The following PEG3 variants were observed in gnomAD, a reference collection of about 807,000 sequenced individuals.
PEG3 encodes paternally-expressed gene 3 protein.
PEG3 carries 23 observed loss-of-function variants against 35.5 expected under a neutral mutation model. The observed-to-expected ratio is 0.65, with a 90% CI of 0.47 to 0.92. The LOEUF (loss-of-function observed/expected upper bound fraction) is 0.92, where lower values mean the gene tolerates loss of function less well. Ranked by LOEUF, PEG3 falls within the 40% of genes least tolerant of loss-of-function variation. The pLI, the probability that PEG3 is intolerant of heterozygous loss-of-function variation, is 0.00. For missense variants in PEG3, 1,960 were observed against 1,985.3 expected, an observed-to-expected ratio of 0.99 and a Z score of 0.24; for synonymous variants, 707 against 697.0, an observed-to-expected ratio of 1.01 and a Z score of -0.23.
intron 8 of PEG3, 98 bp from the exon 9 acceptor site, chr19:56,817,933 A>G: frequency 1.1e-6 from 1 of 922,138 alleles, no homozygotes; most frequent in Non-Finnish European, 1.7e-6. Flanking sequence ...GCCACTAAAT[A>G]TGAGGTGGCC....
chr19:56,833,533 A>G (rs183239548), intron 2 of PEG3: 77 of 250,624 alleles, frequency 3.1e-4, no homozygotes, highest in African/African-American at 1.7e-3. Context: ...CCTTCATCCA[A>G]ATTCTCAGTA....
chr19:56,828,665 AAC>A (rs1448356574), intron 2 of PEG3, among the ~76,000 whole-genome samples: 11 of 152,336 alleles, frequency 7.2e-5, no homozygotes, highest in African/African-American at 2.6e-4. Flanking sequence ...AGTATTTTAT[AAC>A]ACAGATGACA....
chr19:56,813,348 G>A lies in PEG3; in HGVS notation c.*327C>T, dbSNP rs565159494. The A allele has an allele frequency of 4.9e-5, 53 of 1,084,866 alleles. No individual in the cohort carries two copies. The highest frequency in any genetic ancestry group is 1.0e-4 in the South Asian group (3 of 28,838). 67.2% of individuals were successfully genotyped at this position (1,084,866 alleles called of 1,614,324 possible). A position where few individuals can be genotyped will look rare whatever the true frequency, so the allele number is the denominator to read the frequency against. On this transcript the variant is annotated 3_prime_UTR_variant, in exon 10 of 10. Transcript: ENST00000326441. ...ACACCTCATGAAACACTATATATAC[G>A]TTACACAAGTGTCATTTACAGTTGA...
rs761554873 is a variant in PEG3 at position 56,816,645 on chromosome 19, T to C, written c.1797A>G (p.Glu599=). ...AGGTTTCCCCGCGCTCACGTTCACG[T>C]TCACGTTCATGTTCACGCTCATTAT... The part of the protein sequence containing the change: ...DKDNEREHER[E]RERERGETFR... The change falls in exon 10 of 10, where the codon GAA becomes GAG. Residue 599 remains glutamate (E), a synonymous_variant. Transcript: ENST00000326441. The C allele has an allele frequency of 1.2e-6, 2 of 1,613,770 alleles. No homozygotes were observed. The highest frequency in any genetic ancestry group is 2.2e-5 in the South Asian group (2 of 91,068).
Position 56,814,442 on chromosome 19 carries a change from A to T in PEG3, c.4000T>A (p.Cys1334Ser). 6.2e-7 allele frequency: 1 copy of T among 1,613,902 alleles called. No homozygotes were observed. Among genetic ancestry groups the T allele is most frequent in the Non-Finnish European group, 8.5e-7 (1 of 1,179,760 alleles). ...PLKGAIPFYE[C>S]KDCGKSFIHS... ...ATAAAGGACTTACCACAATCCTTGCATTCATAGAATGGTATAGCTCCTTTG... is the reference window on the plus strand; with the variant it reads ...ATAAAGGACTTACCACAATCCTTGCTTTCATAGAATGGTATAGCTCCTTTG... The change falls in exon 10 of 10, where the codon TGC becomes AGC. Residue 1334 changes from cysteine to serine, a missense_variant. By Grantham distance (112) the Cys-to-Ser change is moderately radical. This residue lies in a region of PEG3 where 416 missense variants were observed against 416.7 expected (regional missense o/e 1.00). Transcript: ENST00000326441. The surrounding 1 kb of genome is among the most constrained non-coding windows in gnomAD (Gnocchi z 5.8).
At position 56,815,406 on chromosome 19, in the gene PEG3, A is replaced by G. The variant is rs746960410; in HGVS notation, c.3036T>C (p.Pro1012=). Residue 1012 remains proline, a synonymous_variant, in exon 10 of 10, where the codon CCT becomes CCC. Transcript: ENST00000326441. Reference sequence around the variant, plus strand: ...GGGCGTAACTTGTTTGAGGGTCAGTAGGGGCCAAGCTGCGAATGACAGACC... The same window carrying G: ...GGGCGTAACTTGTTTGAGGGTCAGTGGGGGCCAAGCTGCGAATGACAGACC... ...YEWSVIRSLA[P]TDPQTSYAQE... The G allele has an allele frequency of 1.4e-5, 22 of 1,614,048 alleles. No homozygotes were observed. In the Admixed American group the frequency reaches 3.7e-4, roughly 27 times the overall value.
Position 56,816,613 on chromosome 19 carries a change from G to C in PEG3, c.1829C>G (p.Pro610Arg), listed in dbSNP as rs1383833350. 6.2e-7 allele frequency: 1 copy of C among 1,613,784 alleles called. No homozygotes were observed. The highest frequency in any genetic ancestry group is 1.7e-5 in the Admixed American group (1 of 59,998). ...CTGAAACTCATTAAGGGCTGGGCTG[G>C]GCCTAAAGGTTTCCCCGCGCTCACG... ...RERERGETFRPSPALNEFQKM... is the reference protein window; with the variant it reads ...RERERGETFRRSPALNEFQKM... Residue 610 changes from proline to arginine, a missense_variant, in exon 10 of 10, where the codon CCC becomes CGC. By Grantham distance (103) the Pro-to-Arg change is moderately radical (BLOSUM62 -2). Around this residue, in one of 5 missense-constraint regions of PEG3, gnomAD observed 798 missense variants for 782.4 expected, o/e 1.02. Coordinates refer to ENST00000326441, the MANE Select transcript of PEG3 (RefSeq NM_006210.3).
Position 56,815,733 on chromosome 19 carries a change from T to G in PEG3, c.2709A>C (p.Lys903Asn). 1 of 1,614,222 alleles carries G rather than the reference T, an allele frequency of 6.2e-7. No individual in the cohort carries two copies. The highest frequency in any genetic ancestry group is 2.2e-5 in the East Asian group (1 of 44,892). ...DSVIQSVFRA[K>N]PQKSVPGEGS... is the part of the protein sequence containing the mutation. ...CCTCTCCAGGAACACTTTTCTGAGG[T>G]TTGGCACGGAATACACTCTGTATGA... Residue 903 changes from lysine to asparagine, a missense_variant, in exon 10 of 10, where the codon AAA becomes AAC. Lys to Asn is a moderately conservative substitution (Grantham distance 94, BLOSUM62 0). Around this residue, in one of 5 missense-constraint regions of PEG3, gnomAD observed 798 missense variants for 782.4 expected, o/e 1.02. Transcript: ENST00000326441.
rs776476844 is a variant in PEG3, at chr19:56,810,750, G to A, written c.*2925C>T. 5.3e-5 allele frequency: 52 copies of A among 983,758 alleles called. No individual in the cohort carries two copies. Among genetic ancestry groups the A allele is most frequent in the East Asian group, 1.1e-4 (1 of 8,822 alleles). The allele number at this position is 983,758 out of a possible 1,614,324, so 60.9% of individuals were successfully genotyped here. On this transcript the variant is annotated 3_prime_UTR_variant, in exon 10 of 10. Coordinates refer to ENST00000326441, the MANE Select transcript of PEG3 (RefSeq NM_006210.3). ...CATATTTAACACTGTTATCACAAGC[G>A]TGTGCACTGAAACAAGATAGAGGAA...
intron 1 of PEG3, among the ~76,000 whole-genome samples, chr19:56,840,213 C>T (rs567397233): frequency 1.3e-5 from 2 of 152,328 alleles, no homozygotes; most frequent in Non-Finnish European, 2.9e-5. Flanking sequence ...GGCAGAGCCC[C>T]CGGCTGTCTG....
chr19:56,839,964 G>A (rs2062796069), intron 1 of PEG3, among the ~76,000 whole-genome samples: 1 of 152,240 alleles, frequency 6.6e-6, no homozygotes, highest in Non-Finnish European at 1.5e-5. Flanking sequence ...CGAGAGGGCG[G>A]GGAAAGAAAA....
chr19:56,837,676 C>T (rs1158073464), intron 1 of PEG3, among the ~76,000 whole-genome samples: 2 of 152,172 alleles, frequency 1.3e-5, no homozygotes, highest in African/African-American at 4.8e-5. Flanking sequence ...CTCAGGAAGG[C>T]TCCAGTGCAG....
At chr19:56,826,731 T>C (rs567632051) in intron 2 of PEG3, among the ~76,000 whole-genome samples, 28 of 152,190 alleles carry the variant, frequency 1.8e-4, no homozygotes, top group Non-Finnish European at 3.8e-4. Flanking sequence ...CCAAAACTCA[T>C]GAAAGCAGAA....
At chr19:56,829,916 C>T (rs923492993) in intron 2 of PEG3, among the ~76,000 whole-genome samples, 2 of 152,238 alleles carry the variant, frequency 1.3e-5, no homozygotes, top group Admixed American at 6.5e-5. Context: ...ACAGCCACGC[C>T]TACCACTGAA....
Position 56,814,035 on chromosome 19 carries a change from C to T in PEG3, c.4407G>A (p.Glu1469=). The T allele has an allele frequency of 6.2e-7, 1 of 1,613,708 alleles. No homozygotes were observed. The change falls in exon 10 of 10, where the codon GAG becomes GAA. Residue 1469 remains glutamate (E), a synonymous_variant. Transcript: ENST00000326441. The surrounding 1 kb of genome is among the most constrained non-coding windows in gnomAD (Gnocchi z 5.8). ...EDPEERAEEP[E]GKAEEPEGDA... ...CTCCCTCTGGCTCTTCAGCTTTTCC[C>T]TCTGGCTCTTCAGCTCTTTCTTCTG...
chr19:56,833,365 C>T lies in PEG3; in HGVS notation c.-163+2653G>A, dbSNP rs1196526090. 3 of 359,890 alleles carry T rather than the reference C, an allele frequency of 8.3e-6. No individual in the cohort carries two copies. In the East Asian group the frequency reaches 2.2e-4, roughly 27 times the overall value. The allele number at this position is 359,890 out of a possible 1,614,324, so 22.3% of individuals were successfully genotyped here. A position where few individuals can be genotyped will look rare whatever the true frequency, so the allele number is the denominator to read the frequency against. On this transcript the variant is annotated intron_variant, in intron 2 of 9. Coordinates refer to ENST00000326441, the MANE Select transcript of PEG3 (RefSeq NM_006210.3). ...GGTTACTCTCTTCGTCTCCCAGGGA[C>T]AGCGTGGTGTGTGGTCTCGTCTCTC...
chr19:56,829,006 A>C (rs1038409051), intron 2 of PEG3, among the ~76,000 whole-genome samples: 3 of 152,186 alleles, frequency 2.0e-5, no homozygotes, highest in African/African-American at 7.2e-5. Context: ...TTCTCCATTT[A>C]AGAACAAATA....
Position 56,816,721 on chromosome 19 carries a change from T to C in PEG3, c.1721A>G (p.His574Arg). Residue 574 changes from histidine (H) to arginine (R), a missense_variant, in exon 10 of 10, where the codon CAT (histidine) becomes CGT (arginine). Transcript: ENST00000326441. ...CTGGTGCTCAATCAGGGCAGAACTATGAAGGAAGGTTTCCTTACACACCCT... is the reference window on the plus strand; with the variant it reads ...CTGGTGCTCAATCAGGGCAGAACTACGAAGGAAGGTTTCCTTACACACCCT... ...ECRVCKETFL[H>R]SSALIEHQKI... is the part of the protein sequence containing the mutation. 4 of 1,614,196 alleles carry C rather than the reference T, an allele frequency of 2.5e-6. No homozygotes were observed. The highest frequency in any genetic ancestry group is 3.4e-6 in the Non-Finnish European group (4 of 1,180,032).
intron 1 of PEG3, among the ~76,000 whole-genome samples, chr19:56,838,323 C>G (rs758650567): frequency 2.6e-5 from 4 of 152,212 alleles, no homozygotes; most frequent in Non-Finnish European, 5.9e-5. Flanking sequence ...ACCCAGGTGT[C>G]ACTCAAGATG....
Sources: allele counts gnomAD v4.1 joint callset (sites outside exome capture counted in the v4.1 genomes callset), GRCh38; gene constraint gnomAD v4.1.1; regional missense constraint gnomAD v4.1.1; non-coding constraint Gnocchi (gnomAD v3.1); transcripts MANE v1.5; gene names NCBI Gene and HGNC (gene_info 2026-07-23, HGNC 2026-07-21).